Variants in CLNK observed in about 807,000 individuals in gnomAD.
The protein encoded by CLNK is cytokine dependent hematopoietic cell linker.
Under a neutral mutation model 68.6 loss-of-function variants are expected in CLNK, and 74 were observed. The ratio of observed to expected loss-of-function variants is 1.08; its 90% CI spans 0.89 to 1.31. The LOEUF is 1.31. Ranked by LOEUF, CLNK falls within the 50% of genes most tolerant of loss-of-function variation. CLNK has a pLI of 0.00. For synonymous variants in CLNK, 198 were observed against 172.2 expected (o/e 1.15, Z -1.17); for missense variants, 553 against 515.3 (o/e 1.07, Z -0.71).
At chr4:10,653,530 T>A (rs1311618263) in intron 2 of CLNK, among the ~76,000 whole-genome samples, 2 of 152,228 alleles carry the variant, frequency 1.3e-5, no homozygotes, top group Non-Finnish European at 2.9e-5. Context: ...TAAATAATAA[T>A]GGGAATTTAA....
the CLNK span, among the ~76,000 whole-genome samples, chr4:10,727,920 AT>A: frequency 2.0e-5 from 3 of 152,192 alleles, no homozygotes; most frequent in East Asian, 1.9e-4. Context: ...GGGCTTAGCA[AT>A]TTTTTTTAAC....
At chr4:10,581,700 C>A (rs765532469) in intron 4 of CLNK, among the ~76,000 whole-genome samples, 5 of 151,446 alleles carry the variant, frequency 3.3e-5, no homozygotes, top group Non-Finnish European at 7.4e-5. Context: ...TTATATGGAG[C>A]TACCACAAAT....
intron 2 of CLNK, among the ~76,000 whole-genome samples, chr4:10,655,597 A>G (rs1471805709): frequency 2.7e-5 from 4 of 150,270 alleles, no homozygotes; most frequent in African/African-American, 9.8e-5. Flanking sequence ...GGTTTACGAC[A>G]GAGCTGGCAT....
At chr4:10,503,393 C>A (rs559077586) in intron 17 of CLNK, among the ~76,000 whole-genome samples, 1 of 150,610 alleles carries the variant, frequency 6.6e-6, no homozygotes, top group East Asian at 2.0e-4. Flanking sequence ...ACCCAGGAGG[C>A]GGAGGTTGCA....
intron 2 of CLNK, among the ~76,000 whole-genome samples, chr4:10,650,206 T>C (rs1380457219): frequency 6.6e-6 from 1 of 152,190 alleles, no homozygotes; most frequent in Non-Finnish European, 1.5e-5. Context: ...TCATTCAGCA[T>C]TCAGGCTAGA....
intron 1 of CLNK, among the ~76,000 whole-genome samples, chr4:10,673,152 A>T (rs373160503): frequency 6.6e-6 from 1 of 152,206 alleles, no homozygotes; most frequent in Non-Finnish European, 1.5e-5. Flanking sequence ...TTGCAATTGT[A>T]CAGGGTAGAG....
chr4:10,733,213 C>G, the CLNK span, among the ~76,000 whole-genome samples: 7 of 152,052 alleles, frequency 4.6e-5, no homozygotes, highest in East Asian at 1.2e-3. Context: ...TGGCAAGAGC[C>G]CTGATGCCAC....
rs75623314 is a variant in CLNK at position 10,677,847 on chromosome 4, A to G, written c.-43+6821T>C. 4.6e-5 allele frequency among the ~76,000 whole-genome samples: 7 copies of G among 151,650 alleles called. No homozygotes were observed. The East Asian group carries it at 1.2e-3, about 25-fold the overall frequency. ...GACTAATAAAAATAGCAATAATAATAATAATAATAATAATACCATTTACTG... is the reference window on the plus strand; with the variant it reads ...GACTAATAAAAATAGCAATAATAATGATAATAATAATAATACCATTTACTG... On this transcript the variant is annotated intron_variant, in intron 1 of 18. Transcript: ENST00000226951.
chr4:10,548,242 T>C (rs573532435), intron 8 of CLNK, among the ~76,000 whole-genome samples: 1 of 152,304 alleles, frequency 6.6e-6, no homozygotes, highest in Non-Finnish European at 1.5e-5. Flanking sequence ...TTGCATTTCC[T>C]TCATGACCAG....
chr4:10,554,339 C>A (rs549438423), intron 8 of CLNK, among the ~76,000 whole-genome samples: 20 of 152,298 alleles, frequency 1.3e-4, no homozygotes, highest in African/African-American at 4.6e-4. Flanking sequence ...TTGTACATTG[C>A]AATTCTATGG....
At chr4:10,601,738 C>A (rs1157545702) in intron 2 of CLNK, among the ~76,000 whole-genome samples, 1 of 152,190 alleles carries the variant, frequency 6.6e-6, no homozygotes, top group Admixed American at 6.5e-5. Flanking sequence ...TTTACAAGGC[C>A]TCAAACATTT....
At chr4:10,667,137 A>T (rs984961712) in intron 2 of CLNK, among the ~76,000 whole-genome samples, 8 of 152,200 alleles carry the variant, frequency 5.3e-5, no homozygotes, top group Non-Finnish European at 1.2e-4. Flanking sequence ...GTAAAATGAC[A>T]GGGCAAGGGA....
intron 3 of CLNK, among the ~76,000 whole-genome samples, chr4:10,586,449 G>A (rs1176102285): frequency 6.6e-6 from 1 of 150,452 alleles, no homozygotes; most frequent in Non-Finnish European, 1.5e-5. Flanking sequence ...TGAGTAACTG[G>A]GATTACAGGC....
the CLNK span, among the ~76,000 whole-genome samples, chr4:10,730,799 T>C: frequency 6.6e-6 from 1 of 152,184 alleles, no homozygotes; most frequent in African/African-American, 2.4e-5. Flanking sequence ...TTTCAGTGTA[T>C]GAGGGTTTTT....
At chr4:10,659,558 T>A (rs1319185292) in intron 2 of CLNK, among the ~76,000 whole-genome samples, 1 of 152,222 alleles carries the variant, frequency 6.6e-6, no homozygotes, top group Non-Finnish European at 1.5e-5. Flanking sequence ...TTTGACTTTA[T>A]CATCTCCTTT....
intron 8 of CLNK, among the ~76,000 whole-genome samples, chr4:10,555,427 A>G (rs1364169625): frequency 6.6e-6 from 1 of 152,220 alleles, no homozygotes; most frequent in African/African-American, 2.4e-5. Flanking sequence ...ATCTGAAAAT[A>G]AGATTATTTC....
chr4:10,694,230 C>T, the CLNK span, among the ~76,000 whole-genome samples: 1 of 151,376 alleles, frequency 6.6e-6, no homozygotes, highest in South Asian at 2.1e-4. Flanking sequence ...TTCCCAAATT[C>T]TATTTAATTT....
chr4:10,698,185 T>G, the CLNK span, among the ~76,000 whole-genome samples: 3 of 152,130 alleles, frequency 2.0e-5, no homozygotes, highest in Non-Finnish European at 4.4e-5. Flanking sequence ...AAGCCTCTGG[T>G]GGTGAGAGTG....
At chr4:10,510,496 T>C (rs945511609) in intron 16 of CLNK, among the ~76,000 whole-genome samples, 2 of 152,092 alleles carry the variant, frequency 1.3e-5, no homozygotes, top group African/African-American at 4.8e-5. Context: ...AATTCTAAGG[T>C]CCCCCAACCA....
Sources: gnomAD v4.1 joint callset for allele counts (sites outside exome capture counted in the v4.1 genomes callset) on GRCh38, gnomAD v4.1.1 for gene constraint, MANE v1.5 for transcripts, NCBI Gene and HGNC (gene_info 2026-07-23, HGNC 2026-07-21) for gene names.